Variants in PRRX1 observed in about 807,000 individuals in gnomAD.
PRRX1 encodes paired mesoderm homeobox protein 1.
Under a neutral mutation model 24.0 loss-of-function variants are expected in PRRX1, and 8 were observed. The ratio of observed to expected loss-of-function variants is 0.33; its 90% confidence interval spans 0.20 to 0.60. The LOEUF (loss-of-function observed/expected upper bound fraction) is 0.60. PRRX1 is among the 20% of genes least tolerant of loss of function. The pLI is 0.82. For missense variants in PRRX1, 281 were observed against 322.4 expected, an observed-to-expected ratio of 0.87 and a Z score of 0.98; for synonymous variants, 160 against 131.7, an observed-to-expected ratio of 1.22 and a Z score of -1.47.
intron 1 of PRRX1, among the ~76,000 whole-genome samples, chr1:170,665,557 C>G (rs781408940): frequency 1.7e-4 from 26 of 152,184 alleles, no homozygotes; most frequent in Non-Finnish European, 2.6e-4. Flanking sequence ...CCATTTTTGT[C>G]TTCAAATTTG....
Position 170,738,395 on chromosome 1 carries a change from T to A in PRRX1, c.*2209T>A. 1 of 226,636 alleles carries A rather than the reference T, an allele frequency of 4.4e-6. No homozygotes were observed. Among genetic ancestry groups the A allele is most frequent in the East Asian group, 6.4e-5 (1 of 15,680 alleles). 14.0% of individuals were successfully genotyped at this position (226,636 alleles called of 1,614,324 possible). A position where few individuals can be genotyped will look rare whatever the true frequency, so the allele number is the denominator to read the frequency against. On this transcript the variant is annotated 3_prime_UTR_variant, in exon 4 of 4. Coordinates refer to ENST00000239461, the MANE Select transcript of PRRX1 (RefSeq NM_022716.4). ...GAAGCTCATCTTATACATTTTGCTTTCACCAATTGATTCCTTCTTCTTTTA... is the reference window on the plus strand; with the variant it reads ...GAAGCTCATCTTATACATTTTGCTTACACCAATTGATTCCTTCTTCTTTTA...
chr1:170,684,042 A>G (rs1653645926), intron 1 of PRRX1, among the ~76,000 whole-genome samples: 1 of 152,058 alleles, frequency 6.6e-6, no homozygotes, highest in Admixed American at 6.5e-5. Flanking sequence ...GAATGGCATG[A>G]CCTCTTGCCA....
intron 1 of PRRX1, among the ~76,000 whole-genome samples, chr1:170,710,124 C>G (rs1196274205): frequency 6.6e-6 from 1 of 152,156 alleles, no homozygotes. Context: ...AAGCTTTCCT[C>G]AGGCCTGGTA....
rs146889142 is a variant in PRRX1, at chr1:170,674,878, G to A, written c.241+10419G>A. ...AGACACCAATTTTTCACCAGTCTGA[G>A]CTAGATACAATTAATATTTTGGTGT... On this transcript the variant is annotated intron_variant, in intron 1 of 3. Transcript: ENST00000239461. Among the ~76,000 whole-genome samples the A allele has an allele frequency of 2.2e-3, 341 of 152,246 alleles. 1 individual carries two copies. Among genetic ancestry groups the A allele is most frequent in the African/African-American group, 7.7e-3 (321 of 41,546 alleles).
intron 1 of PRRX1, among the ~76,000 whole-genome samples, chr1:170,713,938 T>G (rs1269069643): frequency 6.6e-6 from 1 of 152,168 alleles, no homozygotes; most frequent in African/African-American, 2.4e-5. Flanking sequence ...CAGAGATTTG[T>G]TCGCTCTTGA....
In PRRX1 at chr1:170,678,601, G is replaced by C. The variant is rs144004918; in HGVS notation, c.241+14142G>C. 3.9e-3 allele frequency among the ~76,000 whole-genome samples: 592 copies of C among 152,290 alleles called. 4 individuals carry two copies. The highest frequency in any genetic ancestry group is 6.0e-3 in the Admixed American group (92 of 15,298). On this transcript the variant is annotated intron_variant, in intron 1 of 3. Transcript: ENST00000239461. ...TGTGTGTGTGTTTGCTAAAAATGCT[G>C]TCAATATTTTATCATATTGTGTAGG...
intron 1 of PRRX1, among the ~76,000 whole-genome samples, chr1:170,700,879 A>G (rs977541440): frequency 2.0e-5 from 3 of 152,172 alleles, no homozygotes; most frequent in African/African-American, 7.2e-5. Context: ...TAAAGCTCCC[A>G]AATGCTGGGC....
chr1:170,664,711 C>T (rs1030208301), intron 1 of PRRX1, among the ~76,000 whole-genome samples: 1 of 152,254 alleles, frequency 6.6e-6, no homozygotes, highest in Admixed American at 6.5e-5. Context: ...GCCCTGCGGT[C>T]TCAGGCAGGG....
At chr1:170,712,737 T>G (rs1278629966) in intron 1 of PRRX1, among the ~76,000 whole-genome samples, 1 of 152,178 alleles carries the variant, frequency 6.6e-6, no homozygotes, top group Non-Finnish European at 1.5e-5. Flanking sequence ...CTCAGACAAG[T>G]GAAACATCTT....
chr1:170,685,954 T>C (rs1430959082), intron 1 of PRRX1, among the ~76,000 whole-genome samples: 3 of 152,006 alleles, frequency 2.0e-5, no homozygotes, highest in African/African-American at 7.3e-5. Context: ...CAAATTCAAT[T>C]GGACATATAC....
At chr1:170,673,564 T>G (rs1653210853) in intron 1 of PRRX1, among the ~76,000 whole-genome samples, 1 of 152,234 alleles carries the variant, frequency 6.6e-6, no homozygotes, top group African/African-American at 2.4e-5. Context: ...ACTCCCAGTT[T>G]ACAGCTTCAA....
At chr1:170,710,315 C>T (rs1022472287) in intron 1 of PRRX1, among the ~76,000 whole-genome samples, 2 of 152,162 alleles carry the variant, frequency 1.3e-5, no homozygotes, top group Admixed American at 1.3e-4. Context: ...TATCCTATAA[C>T]TCCACAATGC....
intron 1 of PRRX1, among the ~76,000 whole-genome samples, chr1:170,665,145 A>G (rs1264712396): frequency 6.6e-6 from 1 of 152,224 alleles, no homozygotes; most frequent in Non-Finnish European, 1.5e-5. Flanking sequence ...AGCAAAGGGA[A>G]TGTCCTTTAA....
chr1:170,734,224 T>A (rs1276573142), intron 3 of PRRX1, among the ~76,000 whole-genome samples: 1 of 3,724 alleles, frequency 2.7e-4, no homozygotes, highest in Admixed American at 4.3e-3. Flanking sequence ...ATTGGTAAGA[T>A]TTTTTTTTTT....
At chr1:170,690,741 C>T (rs190431258) in intron 1 of PRRX1, among the ~76,000 whole-genome samples, 47 of 152,076 alleles carry the variant, frequency 3.1e-4, no homozygotes, top group African/African-American at 1.1e-3. Flanking sequence ...ATATGTGCCA[C>T]CTGAATTATG....
chr1:170,666,715 G>A (rs1461630861), intron 1 of PRRX1, among the ~76,000 whole-genome samples: 5 of 152,162 alleles, frequency 3.3e-5, no homozygotes. Flanking sequence ...TAGGGAACAA[G>A]CCAGCCGTGG....
chr1:170,697,314 C>G (rs1654203237), intron 1 of PRRX1, among the ~76,000 whole-genome samples: 1 of 152,156 alleles, frequency 6.6e-6, no homozygotes, highest in South Asian at 2.1e-4. Context: ...GAACAATGAT[C>G]TCCCTTGAAG....
chr1:170,684,043 C>T (rs182257038), intron 1 of PRRX1, among the ~76,000 whole-genome samples: 154 of 152,302 alleles, frequency 1.0e-3, no homozygotes, highest in Admixed American at 4.4e-3. Context: ...AATGGCATGA[C>T]CTCTTGCCAA....
intron 1 of PRRX1, among the ~76,000 whole-genome samples, chr1:170,676,213 A>G (rs1319872077): frequency 6.6e-6 from 1 of 151,910 alleles, no homozygotes; most frequent in Non-Finnish European, 1.5e-5. Context: ...AAATAATATC[A>G]CTCCACATTT....
Sources: gnomAD v4.1 joint callset for allele counts (sites outside exome capture counted in the v4.1 genomes callset) on GRCh38, gnomAD v4.1.1 for gene constraint, MANE v1.5 for transcripts, NCBI Gene and HGNC (gene_info 2026-07-23, HGNC 2026-07-21) for gene names.